KIF1A: variants seen among roughly 807,000 people sequenced by gnomAD.
KIF1A encodes the protein kinesin-like protein KIF1A.
In KIF1A, 46 loss-of-function variants were observed where a neutral mutation model predicts 227.3. That is an observed-to-expected ratio of 0.20 (90% CI 0.16 to 0.26). The LOEUF is 0.26. KIF1A is among the 10% of genes least tolerant of loss of function. The pLI is 1.00. For missense variants in KIF1A, 1,683 were observed against 2,485.9 expected (o/e 0.68, Z 6.87); for synonymous variants, 1,022 against 1,012.8 (o/e 1.01, Z -0.17).
intron 38 of KIF1A, among the ~76,000 whole-genome samples, chr2:240,735,193 C>A (rs1056577114): frequency 1.3e-5 from 2 of 152,162 alleles, no homozygotes; most frequent in Admixed American, 6.5e-5. Context: ...AAAGCCGCTT[C>A]GGGGAGGCCG....
At chr2:240,809,142 A>C (rs1035486417) in intron 1 of KIF1A, among the ~76,000 whole-genome samples, 1 of 152,278 alleles carries the variant, frequency 6.6e-6, no homozygotes, top group African/African-American at 2.4e-5. Flanking sequence ...AATATCTTGA[A>C]AACATTTAAT....
At chr2:240,762,535 TC>T in intron 23 of KIF1A, among the ~76,000 whole-genome samples, 183 bp downstream of exon 23, 1 of 152,126 alleles carries the variant, frequency 6.6e-6, no homozygotes, top group Middle Eastern at 3.4e-3. Flanking sequence ...TGGCACAGTA[TC>T]CCCCCTCCCC....
chr2:240,757,447 CT>C lies in KIF1A; in HGVS notation c.2729del (p.Glu910GlyfsTer41). ...CATCCTCCTCCTCCTCCTCCTCCTC[CT>C]CCTCCTCCCCCACGCTCTGCTCCTC... ...PAEEQSVGEE[E>X]EEEEEEEDEE... On this transcript the variant is annotated frameshift_variant, in exon 27 of 49. Coordinates refer to ENST00000498729, the MANE Select transcript of KIF1A (RefSeq NM_001244008.2). LOFTEE classifies it high-confidence loss of function. This position sits in a 1 kb window ranked among gnomAD's most constrained non-coding sequence, Gnocchi z 6.2. The C allele has an allele frequency of 9.0e-6, 14 of 1,550,238 alleles. No individual in the cohort carries two copies. Among genetic ancestry groups the C allele is most frequent in the Non-Finnish European group, 1.2e-5 (14 of 1,146,740 alleles).
rs2052567068 is a variant in KIF1A at position 240,775,099 on chromosome 2, C to T, written c.958+752G>A. Among the ~76,000 whole-genome samples the T allele has an allele frequency of 6.6e-6, 1 of 152,228 alleles. No homozygotes were observed. The highest frequency in any genetic ancestry group is 1.5e-5 in the Non-Finnish European group (1 of 68,040). ...AGCCCACGTCTCAGGTGAAGGAACA[C>T]ACTCTCCTCCTCTCTCAGCGGGGCC... On this transcript the variant is annotated intron_variant, in intron 11 of 48. Coordinates refer to ENST00000498729, the MANE Select transcript of KIF1A (RefSeq NM_001244008.2). This position sits in a 1 kb window ranked among gnomAD's most constrained non-coding sequence, Gnocchi z 5.5.
rs895227286 is a variant in KIF1A, at chr2:240,717,248, G to T, written c.*116C>A. The T allele has an allele frequency of 1.5e-5, 15 of 1,014,722 alleles. No homozygotes were observed. Among genetic ancestry groups the T allele is most frequent in the Non-Finnish European group, 2.1e-5 (14 of 670,102 alleles). The allele number at this position is 1,014,722 out of a possible 1,614,324, so 62.9% of individuals were successfully genotyped here. On this transcript the variant is annotated 3_prime_UTR_variant, in exon 49 of 49. Coordinates refer to ENST00000498729, the MANE Select transcript of KIF1A (RefSeq NM_001244008.2). ...GCCTGGCATGGGCGTCCCCTGGGGG[G>T]TCGACCCGGTCGTGGGCTGTCTGGC...
intron 5 of KIF1A, 88 bp downstream of exon 5, chr2:240,787,163 G>A: frequency 9.4e-7 from 1 of 1,066,230 alleles, no homozygotes; most frequent in Non-Finnish European, 1.5e-6. Flanking sequence ...ACCCGTGGTG[G>A]GCACTCACTT....
chr2:240,766,745 TCTCTCA>T lies in KIF1A; in HGVS notation c.1684+164_1684+169del, dbSNP rs1422834418. On this transcript the variant is annotated intron_variant, in intron 19 of 48. Transcript: ENST00000498729. The surrounding 1 kb of genome is among the most constrained non-coding windows in gnomAD (Gnocchi z 5.0). ...AAATCTCTCTCTCTCTCTCTCTCTC[TCTCTCA>T]CACACACACACACACACACACACAC... Among the ~76,000 whole-genome samples the T allele has an allele frequency of 1.6e-5, 2 of 126,988 alleles. No individual in the cohort carries two copies. The highest frequency in any genetic ancestry group is 3.4e-5 in the African/African-American group (1 of 29,220). The allele number at this position is 126,988 out of a possible 152,430, so 83.3% of individuals were successfully genotyped here. A position where few individuals can be genotyped will look rare whatever the true frequency, so the allele number is the denominator to read the frequency against.
At chr2:240,747,376 G>A in intron 28 of KIF1A, 55 bp from the exon 29 acceptor site, 1 of 1,461,654 alleles carries the variant, frequency 6.8e-7, no homozygotes, top group Non-Finnish European at 9.5e-7. Flanking sequence ...TGAGGTGGGT[G>A]TGGGCAGAGC....
At chr2:240,820,228 C>G (rs925771530), upstream of KIF1A, 27 of 149,462 alleles carry the variant, frequency 1.8e-4, no homozygotes, top group African/African-American at 6.6e-4. The surrounding 1 kb of genome is among the most constrained non-coding windows in gnomAD (Gnocchi z 6.2). Context: ...GTGACGGCGC[C>G]GCCGCGTGAC....
At chr2:240,808,721 A>C (rs929757198) in intron 1 of KIF1A, among the ~76,000 whole-genome samples, 1 of 152,054 alleles carries the variant, frequency 6.6e-6, no homozygotes, top group African/African-American at 2.4e-5. Context: ...AGTACCTAGG[A>C]ATAAATGTCA....
At chr2:240,767,649 C>T (rs1362080588) in intron 17 of KIF1A, among the ~76,000 whole-genome samples, 1 of 152,264 alleles carries the variant, frequency 6.6e-6, no homozygotes, top group Non-Finnish European at 1.5e-5. Flanking sequence ...GCAGACAGCC[C>T]CAGCTCTCAG....
At position 240,793,774 on chromosome 2, in the gene KIF1A, G is replaced by A. The variant is rs2056043194; in HGVS notation, c.106+3873C>T. Among the ~76,000 whole-genome samples the A allele has an allele frequency of 6.6e-6, 1 of 152,224 alleles. No homozygotes were observed. Among genetic ancestry groups the A allele is most frequent in the Non-Finnish European group, 1.5e-5 (1 of 68,044 alleles). On this transcript the variant is annotated intron_variant, in intron 2 of 48. Transcript: ENST00000498729. This position sits in a 1 kb window ranked among gnomAD's most constrained non-coding sequence, Gnocchi z 4.8. ...AAATGCTTCCAATTTCTGCGTCACA[G>A]CGGAGCTACAAGGCACGCTTTAGAG...
chr2:240,771,372 G>A (rs1575601225), intron 14 of KIF1A: 9 of 535,784 alleles, frequency 1.7e-5, no homozygotes, highest in Non-Finnish European at 3.0e-5. Context: ...CGATGGGACG[G>A]GGCCAGCAGT....
rs768577501 is a variant in KIF1A at position 240,743,935 on chromosome 2, C to T, written c.3584+7G>A. ...CAGCCCCGAACCCCCCGACCCAGGG[C>T]GCTAACCTGAGCACGTCCTTGCAGA... is the stretch of plus-strand genomic sequence containing the variant. On this transcript the variant is annotated splice_region_variant and intron_variant, in intron 33 of 48. Coordinates refer to ENST00000498729, the MANE Select transcript of KIF1A (RefSeq NM_001244008.2). 1.4e-5 allele frequency: 22 copies of T among 1,597,864 alleles called. No homozygotes were observed. Among genetic ancestry groups the T allele is most frequent in the East Asian group, 6.7e-5 (3 of 44,816 alleles).
chr2:240,802,657 C>T (rs2057067701), intron 1 of KIF1A, among the ~76,000 whole-genome samples: 1 of 152,100 alleles, frequency 6.6e-6, no homozygotes, highest in Non-Finnish European at 1.5e-5. Flanking sequence ...TAGTTTGAGA[C>T]CGGGTCTCCT....
intron 1 of KIF1A, among the ~76,000 whole-genome samples, chr2:240,808,068 A>G (rs2057569720): frequency 6.6e-6 from 1 of 152,244 alleles, no homozygotes; most frequent in Admixed American, 6.5e-5. Context: ...TGATAGGAAC[A>G]TTTCCTTTAT....
At chr2:240,727,865 G>A (rs1234568545) in intron 38 of KIF1A, among the ~76,000 whole-genome samples, 2 of 152,182 alleles carry the variant, frequency 1.3e-5, no homozygotes, top group African/African-American at 2.4e-5. Context: ...GGCAGTGACT[G>A]AGCTACTTCC....
chr2:240,782,521 G>C (rs988458581), intron 10 of KIF1A, 69 bp downstream of exon 10: 7 of 1,501,296 alleles, frequency 4.7e-6, no homozygotes, highest in Non-Finnish European at 6.3e-6. Context: ...TCACCACAGG[G>C]CGCCAATGCA....
intron 25 of KIF1A, among the ~76,000 whole-genome samples, chr2:240,760,258 A>G (rs2050350983): frequency 6.6e-6 from 1 of 152,020 alleles, no homozygotes; most frequent in African/African-American, 2.4e-5. Context: ...TCCATCCCCC[A>G]CCACCTCTCC....
Sources: gnomAD v4.1 joint callset for allele counts (sites outside exome capture counted in the v4.1 genomes callset) on GRCh38, gnomAD v4.1.1 for gene constraint, Gnocchi (gnomAD v3.1) non-coding constraint, MANE v1.5 for transcripts, NCBI Gene and HGNC (gene_info 2026-07-23, HGNC 2026-07-21) for gene names.